Variants in VSIG10L observed in about 807,000 individuals in gnomAD.
The protein encoded by VSIG10L is V-set and immunoglobulin domain containing 10 like, also known as V-set and immunoglobulin domain-containing protein 10-like.
Under a neutral mutation model 67.3 loss-of-function variants are expected in VSIG10L, and 63 were observed. The ratio of observed to expected loss-of-function variants is 0.94; its 90% CI spans 0.76 to 1.15. The LOEUF (loss-of-function observed/expected upper bound fraction) is 1.15, where lower values mean the gene tolerates loss of function less well. Among genes scored for constraint, VSIG10L ranks in the 50% most tolerant of loss-of-function variants. The pLI, the probability that VSIG10L is intolerant of heterozygous loss-of-function variation, is 0.00. For synonymous variants in VSIG10L, 499 were observed against 524.9 expected (o/e 0.95, Z 0.67); for missense variants, 1,050 against 1,177.5 (o/e 0.89, Z 1.58).
In VSIG10L at chr19:51,341,137, G is replaced by A. The variant is rs553060595; in HGVS notation, c.895+16C>T. ...AGCCCCTGCCGCCTGCACGCCGGAC[G>A]CCAGGGCCCACTTACCATACACACC... On this transcript the variant is annotated intron_variant, in intron 2 of 9. Transcript: ENST00000335624. 2.7e-6 allele frequency: 4 copies of A among 1,486,964 alleles called. No homozygotes were observed. The highest frequency in any genetic ancestry group is 2.6e-5 in the South Asian group (2 of 75,634). 92.1% of individuals were successfully genotyped at this position (1,486,964 alleles called of 1,614,324 possible). A position where few individuals can be genotyped will look rare whatever the true frequency, so the allele number is the denominator to read the frequency against.
rs564904683 is a variant in VSIG10L, at chr19:51,341,352, C to A, written c.696G>T (p.Val232=). 1.3e-6 allele frequency: 2 copies of A among 1,540,692 alleles called. No homozygotes were observed. Among genetic ancestry groups the A allele is most frequent in the Non-Finnish European group, 1.7e-6 (2 of 1,145,832 alleles). The part of the protein sequence containing the change: ...SLVVWRRGSK[V]LAAGGLGPGA... ...CTGGCCCCAGGCCCCCAGCTGCCAGCACCTTTGAGCCCCGGCGCCAGACCA... is the reference window on the plus strand; with the variant it reads ...CTGGCCCCAGGCCCCCAGCTGCCAGAACCTTTGAGCCCCGGCGCCAGACCA... The change falls in exon 2 of 10, where the codon GTG becomes GTT. Residue 232 remains valine (V), a synonymous_variant. Transcript: ENST00000335624.
rs1420637720 is a variant in VSIG10L at position 51,337,968 on chromosome 19, C to G, written c.1970G>C (p.Gly657Ala). ...DLGNYSVLCS[G>A]ALGAGGDQIT... ...CTGGTCACCGCCAGCACCCAGCGCC[C>G]CACTGCACAGCACGGAGTAATTTCC... Residue 657 changes from glycine to alanine, a missense_variant, in exon 6 of 10, where the codon GGG (glycine) becomes GCG (alanine). Physicochemically the swap from Gly to Ala is moderately conservative, Grantham distance 60. Coordinates refer to ENST00000335624, the MANE Select transcript of VSIG10L (RefSeq NM_001163922.3). The G allele has an allele frequency of 3.9e-6, 6 of 1,551,354 alleles. No individual in the cohort carries two copies. The East Asian group carries it at 1.5e-4, about 38-fold the overall frequency.
chr19:51,339,976 T>G, intron 4 of VSIG10L, 39 bp downstream of exon 4: 1 of 1,105,876 alleles, frequency 9.0e-7, no homozygotes, highest in Admixed American at 5.2e-5. Flanking sequence ...GCCCCGCCCC[T>G]CTCCCAGGCA....
intron 4 of VSIG10L, among the ~76,000 whole-genome samples, 165 bp from the exon 5 acceptor site, chr19:51,339,307 C>T (rs1985565898): frequency 6.6e-6 from 1 of 152,192 alleles, no homozygotes; most frequent in African/African-American, 2.4e-5. Context: ...TTAACTTCCT[C>T]GCTAAGTGGG....
chr19:51,334,039 G>A (rs1985420324), intron 8 of VSIG10L, 94 bp from the exon 9 acceptor site: 1 of 1,518,272 alleles, frequency 6.6e-7, no homozygotes, highest in South Asian at 1.2e-5. Context: ...TGGAGAGGCG[G>A]AGCCTTATGC....
chr19:51,336,292 C>T (rs1292250302), intron 7 of VSIG10L, among the ~76,000 whole-genome samples: 10 of 152,116 alleles, frequency 6.6e-5, no homozygotes, highest in Admixed American at 4.6e-4. Flanking sequence ...TGCGGTGGCT[C>T]ACACCTGTAA....
In VSIG10L at chr19:51,340,270, A is replaced by G. The variant is rs1323250735; in HGVS notation, c.1219T>C (p.Ser407Pro). The change falls in exon 4 of 10, where the codon TCC (serine) becomes CCC (proline). Residue 407 changes from serine (S) to proline (P), a missense_variant. Ser to Pro is a moderately conservative substitution (Grantham distance 74). Around this residue, in one of 3 missense-constraint regions of VSIG10L, gnomAD observed 511 missense variants for 557.9 expected, o/e 0.92. Coordinates refer to ENST00000335624, the MANE Select transcript of VSIG10L (RefSeq NM_001163922.3). This position sits in a 1 kb window ranked among gnomAD's most constrained non-coding sequence, Gnocchi z 6.3. The stretch of plus-strand genomic sequence containing the variant: ...GCAGGCGCGGCGTCGCGGTCCGAGG[A>G]GACCGTGATGGTCGGCGGGTCCGGG... ...YGPDPPTITV[S>P]SDRDAAPARF... 2.9e-5 allele frequency: 44 copies of G among 1,518,246 alleles called. No individual in the cohort carries two copies. Among genetic ancestry groups the G allele is most frequent in the Non-Finnish European group, 3.6e-5 (41 of 1,139,966 alleles). The allele number at this position is 1,518,246 out of a possible 1,614,324, so 94.0% of individuals were successfully genotyped here.
Position 51,342,057 on chromosome 19 carries a change from CA to C in VSIG10L, c.40+27del. 6.4e-7 allele frequency: 1 copy of C among 1,551,748 alleles called. No homozygotes were observed. The highest frequency in any genetic ancestry group is 8.7e-7 in the Non-Finnish European group (1 of 1,147,000). On this transcript the variant is annotated intron_variant, in intron 1 of 9. Coordinates refer to ENST00000335624, the MANE Select transcript of VSIG10L (RefSeq NM_001163922.3). The surrounding 1 kb of genome is among the most constrained non-coding windows in gnomAD (Gnocchi z 4.4). ...GGGGGAGGCTGCTGAGGGAGACTGA[CA>C]GGGAAGGGACTGAGCAGGGAACTTA... is the stretch of plus-strand genomic sequence containing the variant.
intron 6 of VSIG10L, 67 bp downstream of exon 6, chr19:51,337,860 ACTT>A: frequency 2.0e-6 from 3 of 1,470,126 alleles, no homozygotes; most frequent in Non-Finnish European, 2.7e-6. Context: ...TGGGGCCTGA[ACTT>A]CTGGGTCTGA....
rs554702755 is a variant in VSIG10L, at chr19:51,337,781, G to A, written c.2008+149C>T. 5.3e-5 allele frequency: 59 copies of A among 1,104,814 alleles called. No individual in the cohort carries two copies. In the East Asian group the frequency reaches 1.5e-3, roughly 28 times the overall value. 68.4% of individuals were successfully genotyped at this position (1,104,814 alleles called of 1,614,324 possible). On this transcript the variant is annotated intron_variant, in intron 6 of 9. Transcript: ENST00000335624. ...TGGGTCTGAGGGAGGAGGGGCTGAG[G>A]CCTGGACTCCAGGGTCTGAGGGAGG... is the stretch of plus-strand genomic sequence containing the variant.
chr19:51,341,752 G>C lies in VSIG10L; in HGVS notation c.296C>G (p.Ala99Gly). The C allele has an allele frequency of 6.4e-7, 1 of 1,551,694 alleles. No individual in the cohort carries two copies. The highest frequency in any genetic ancestry group is 8.7e-7 in the Non-Finnish European group (1 of 1,146,992). Residue 99 changes from alanine to glycine, a missense_variant, in exon 2 of 10, where the codon GCT (alanine) becomes GGT (glycine). By Grantham distance (60) the Ala-to-Gly change is moderately conservative. Coordinates refer to ENST00000335624, the MANE Select transcript of VSIG10L (RefSeq NM_001163922.3). ...AACCGGGCTCAAATCTTGGCCCTCA[G>C]CAGAAACATTTGACCAGAAGGACCC... ...MSGSFWSNVSAEGQDLSPVSP... is the reference protein window; with the variant it reads ...MSGSFWSNVSGEGQDLSPVSP...
chr19:51,340,738 A>G lies in VSIG10L; in HGVS notation c.896-12T>C, dbSNP rs1406998672. 6.8e-7 allele frequency: 1 copy of G among 1,479,248 alleles called. No individual in the cohort carries two copies. Among genetic ancestry groups the G allele is most frequent in the Admixed American group, 2.3e-5 (1 of 44,036 alleles). 91.6% of individuals were successfully genotyped at this position (1,479,248 alleles called of 1,614,324 possible). On this transcript the variant is annotated splice_polypyrimidine_tract_variant and intron_variant, in intron 2 of 9. Transcript: ENST00000335624. The surrounding 1 kb of genome is among the most constrained non-coding windows in gnomAD (Gnocchi z 6.3). ...CTGGGGTAGGGGCTCTGGGAGAGGG[A>G]GAATGGGCTCAGGACCCACCCAGTC...
chr19:51,333,608 A>G (rs983118150), intron 9 of VSIG10L, among the ~76,000 whole-genome samples, 183 bp downstream of exon 9: 1 of 152,146 alleles, frequency 6.6e-6, no homozygotes, highest in Non-Finnish European at 1.5e-5. Flanking sequence ...ATTTTAATAT[A>G]CATCAAAGTT....
chr19:51,335,196 G>A (rs966045059), intron 7 of VSIG10L, among the ~76,000 whole-genome samples: 3 of 152,162 alleles, frequency 2.0e-5, no homozygotes, highest in Non-Finnish European at 2.9e-5. Flanking sequence ...AGGAAGGAGC[G>A]GGCTGGAGGT....
chr19:51,339,953 C>T (rs1034753314), intron 4 of VSIG10L, 62 bp downstream of exon 4: 1 of 1,291,194 alleles, frequency 7.7e-7, no homozygotes, highest in Non-Finnish European at 9.8e-7. Flanking sequence ...CCTCTAGCCC[C>T]GCCCTCGTTC....
At chr19:51,337,617 A>AG (rs1168575694) in intron 6 of VSIG10L, 83 bp from the exon 7 acceptor site, 6 of 68,534 alleles carry the variant, frequency 8.8e-5, no homozygotes, top group African/African-American at 2.3e-4. Context: ...CCTGGGTCTG[A>AG]GGGGGAGGGG....
rs1403484207 is a variant in VSIG10L at position 51,339,101 on chromosome 19, G to A, written c.1516C>T (p.Pro506Ser). The change falls in exon 5 of 10, where the codon CCC becomes TCC. Residue 506 changes from proline (P) to serine (S), a missense_variant. Around this residue, in one of 3 missense-constraint regions of VSIG10L, gnomAD observed 529 missense variants for 584.9 expected, o/e 0.90. Coordinates refer to ENST00000335624, the MANE Select transcript of VSIG10L (RefSeq NM_001163922.3). ...CGGAAGCGGAGGCTGCGGTCCCCGG[G>A]ACCCCCTTCAACTGAGCACTGTGGG... ...GAPQCSVEGG[P>S]GDRSLRFRCS... 9 of 1,350,982 alleles carry A rather than the reference G, an allele frequency of 6.7e-6. No homozygotes were observed. The highest frequency in any genetic ancestry group is 8.6e-6 in the Non-Finnish European group (9 of 1,045,108). The allele number at this position is 1,350,982 out of a possible 1,614,324, so 83.7% of individuals were successfully genotyped here. A position where few individuals can be genotyped will look rare whatever the true frequency, so the allele number is the denominator to read the frequency against.
rs1188867694 is a variant in VSIG10L, at chr19:51,338,893, G to A, written c.1724C>T (p.Thr575Met). 7 of 1,400,068 alleles carry A rather than the reference G, an allele frequency of 5.0e-6. No individual in the cohort carries two copies. The highest frequency in any genetic ancestry group is 6.5e-6 in the Non-Finnish European group (7 of 1,070,274). 86.7% of individuals were successfully genotyped at this position (1,400,068 alleles called of 1,614,324 possible). A position where few individuals can be genotyped will look rare whatever the true frequency, so the allele number is the denominator to read the frequency against. ...HLVATRTCTV[T>M]PEAPREVLLH... Reference sequence around the variant, plus strand: ...AAAGCCCCGCGCCCTCTCACCCGGCGTGACTGTGCAGGTACGCGTGGCCAC... The same window carrying A: ...AAAGCCCCGCGCCCTCTCACCCGGCATGACTGTGCAGGTACGCGTGGCCAC... The change falls in exon 5 of 10, where the codon ACG becomes ATG. Residue 575 changes from threonine to methionine, a missense_variant. By Grantham distance (81) the Thr-to-Met change is moderately conservative (BLOSUM62 -1). Coordinates refer to ENST00000335624, the MANE Select transcript of VSIG10L (RefSeq NM_001163922.3).
chr19:51,338,250 C>A, intron 5 of VSIG10L, 42 bp from the exon 6 acceptor site: 1 of 1,445,132 alleles, frequency 6.9e-7, no homozygotes, highest in Non-Finnish European at 9.1e-7. Flanking sequence ...CAAGACCTTA[C>A]CTTGGATTCA....
Sources: allele counts gnomAD v4.1 joint callset (sites outside exome capture counted in the v4.1 genomes callset), GRCh38; gene constraint gnomAD v4.1.1; regional missense constraint gnomAD v4.1.1; non-coding constraint Gnocchi (gnomAD v3.1); transcripts MANE v1.5; gene names NCBI Gene and HGNC (gene_info 2026-07-23, HGNC 2026-07-21).